The following DGLUCY variants were observed in gnomAD, a reference collection of about 807,000 sequenced individuals.
DGLUCY encodes the protein D-glutamate cyclase, mitochondrial.
A neutral mutation model predicts 58.5 loss-of-function variants in DGLUCY; 58 were observed. The observed-to-expected ratio is 0.99, with a 90% CI of 0.80 to 1.23. The LOEUF is 1.23. Among genes scored for constraint, DGLUCY ranks in the 50% most tolerant of loss-of-function variants. The pLI, the probability that DGLUCY is intolerant of heterozygous loss-of-function variation, is 0.00. For synonymous variants in DGLUCY, 325 were observed against 314.1 expected, an observed-to-expected ratio of 1.03 and a Z score of -0.37; for missense variants, 779 against 784.7, an observed-to-expected ratio of 0.99 and a Z score of 0.09.
intron 12 of DGLUCY, among the ~76,000 whole-genome samples, chr14:91,212,217 AAGG>A (rs1885793804): frequency 6.6e-6 from 1 of 152,164 alleles, no homozygotes; most frequent in South Asian, 2.1e-4. Context: ...ATGTTAAGAG[AAGG>A]AGAAGGCTGG....
chr14:91,157,258 AATGAATGGGTGGATGG>A (rs2047708722), intron 1 of DGLUCY, among the ~76,000 whole-genome samples: 1 of 49,736 alleles, frequency 2.0e-5, no homozygotes, highest in Non-Finnish European at 3.7e-5. Flanking sequence ...TGGATGGATG[AATGAATGGGTGGATGG>A]ATGGATGGGT....
At chr14:91,157,202 GATGA>G (rs1239306788) in intron 1 of DGLUCY, among the ~76,000 whole-genome samples, 4 of 147,870 alleles carry the variant, frequency 2.7e-5, no homozygotes, top group African/African-American at 7.5e-5. Flanking sequence ...TAGATGGATG[GATGA>G]ATGAATGGGT....
intron 3 of DGLUCY, among the ~76,000 whole-genome samples, chr14:91,165,512 G>A (rs1049182575): frequency 6.6e-6 from 1 of 152,182 alleles, no homozygotes; most frequent in African/African-American, 2.4e-5. Context: ...CCCAGAGGAG[G>A]CTACAGCATG....
intron 13 of DGLUCY, among the ~76,000 whole-genome samples, chr14:91,221,473 G>A (rs949916246): frequency 6.6e-6 from 1 of 151,648 alleles, no homozygotes; most frequent in African/African-American, 2.4e-5. Context: ...GTGGATGGAG[G>A]GATGCGTGGA....
At chr14:91,215,744 G>C in intron 13 of DGLUCY, 188 bp downstream of exon 13, 1 of 1,470,838 alleles carries the variant, frequency 6.8e-7, no homozygotes, top group Non-Finnish European at 9.0e-7. Context: ...GTTCTGAATC[G>C]TGTGGCAGGC....
At chr14:91,211,089 T>C (rs1463742798) in intron 12 of DGLUCY, among the ~76,000 whole-genome samples, 1 of 152,158 alleles carries the variant, frequency 6.6e-6, no homozygotes, top group Non-Finnish European at 1.5e-5. Flanking sequence ...TAAAAACACA[T>C]TACCATTTAC....
In DGLUCY at chr14:91,224,770, C is replaced by T; in HGVS notation, c.1803C>T (p.Pro601=). 1.2e-6 allele frequency: 2 copies of T among 1,613,826 alleles called. No individual in the cohort carries two copies. Among genetic ancestry groups the T allele is most frequent in the Non-Finnish European group, 1.7e-6 (2 of 1,179,806 alleles). ...GIVGMEVDGL[P]FHNTHAEMIQ... is the part of the protein sequence containing the mutation. ...TGGGCATGGAGGTGGATGGGCTGCC[C>T]TTCCACAACACCCACGCCGAGATGA... The change falls in exon 14 of 14, where the codon CCC becomes CCT. Residue 601 remains proline (P), a synonymous_variant. Coordinates refer to ENST00000256324, the MANE Select transcript of DGLUCY (RefSeq NM_001102368.3).
At chr14:91,205,531 G>A (rs1884422934) in intron 12 of DGLUCY, among the ~76,000 whole-genome samples, 1 of 152,174 alleles carries the variant, frequency 6.6e-6, no homozygotes, top group South Asian at 2.1e-4. Context: ...GTGCTAGGGT[G>A]GGAAAACCTG....
intron 1 of DGLUCY, among the ~76,000 whole-genome samples, chr14:91,099,198 C>T (rs1194355839): frequency 6.6e-6 from 1 of 152,150 alleles, no homozygotes; most frequent in Admixed American, 6.5e-5. Flanking sequence ...GAAAGGAGGT[C>T]ACATGGTGTG....
At chr14:91,210,358 A>G (rs1885478948) in intron 12 of DGLUCY, among the ~76,000 whole-genome samples, 1 of 151,962 alleles carries the variant, frequency 6.6e-6, no homozygotes, top group Admixed American at 6.6e-5. Flanking sequence ...TAACAAGACC[A>G]TATCTCTACA....
chr14:91,172,047 T>A (rs1284689008), intron 5 of DGLUCY, among the ~76,000 whole-genome samples: 1 of 152,116 alleles, frequency 6.6e-6, no homozygotes, highest in Non-Finnish European at 1.5e-5. Context: ...CCTTCTTCCC[T>A]CCCTCCCTTC....
chr14:91,220,450 G>A (rs1314718661), intron 13 of DGLUCY: 3 of 455,570 alleles, frequency 6.6e-6, no homozygotes, highest in African/African-American at 6.0e-5. Flanking sequence ...CAGTCAGGCT[G>A]GGGCAGGTGT....
chr14:91,224,179 A>C (rs759015271), intron 13 of DGLUCY, among the ~76,000 whole-genome samples: 1 of 152,188 alleles, frequency 6.6e-6, no homozygotes, highest in African/African-American at 2.4e-5. Flanking sequence ...ACTTATTGGC[A>C]GGAAATAGCC....
intron 1 of DGLUCY, among the ~76,000 whole-genome samples, chr14:91,083,320 G>A (rs1345229916): frequency 3.3e-5 from 5 of 152,104 alleles, no homozygotes; most frequent in African/African-American, 1.2e-4. Context: ...TCAGGAGTTC[G>A]AGACCGGCCT....
upstream of DGLUCY, among the ~76,000 whole-genome samples, chr14:91,111,244 GTGTGTATATATCTATATATC>G (rs2044692465): frequency 3.0e-5 from 3 of 100,680 alleles, no homozygotes; most frequent in Non-Finnish European, 4.2e-5. Flanking sequence ...GTGTGTGTGT[GTGTGTATATATCTATATATC>G]TATATCTATC....
intron 13 of DGLUCY, chr14:91,215,953 C>A: frequency 2.8e-6 from 1 of 353,466 alleles, no homozygotes; most frequent in Non-Finnish European, 5.4e-6. Flanking sequence ...AATTCACCAC[C>A]CAGCGAGGCC....
At chr14:91,118,340 C>T (rs1010473393) in intron 1 of DGLUCY, among the ~76,000 whole-genome samples, 13 of 152,030 alleles carry the variant, frequency 8.6e-5, no homozygotes, top group African/African-American at 3.1e-4. Flanking sequence ...AGTGATCCAC[C>T]TGCCTCGGCC....
chr14:91,168,523 C>T (rs1308033047), intron 4 of DGLUCY, among the ~76,000 whole-genome samples: 1 of 152,186 alleles, frequency 6.6e-6, no homozygotes, highest in Non-Finnish European at 1.5e-5. Context: ...CCCGGTGCCT[C>T]CTGTGCTGCC....
intron 9 of DGLUCY, 91 bp downstream of exon 9, chr14:91,189,261 T>C (rs773568694): frequency 4.0e-6 from 6 of 1,505,528 alleles, no homozygotes; most frequent in Non-Finnish European, 5.4e-6. Context: ...CAGAGCATTC[T>C]CCTTCCAGCT....
Sources: allele counts gnomAD v4.1 joint callset (sites outside exome capture counted in the v4.1 genomes callset), GRCh38; gene constraint gnomAD v4.1.1; transcripts MANE v1.5; gene names NCBI Gene and HGNC (gene_info 2026-07-23, HGNC 2026-07-21).